Variants in SLC30A7 observed in about 807,000 individuals in gnomAD.
The protein encoded by SLC30A7 is zinc transporter 7.
A neutral mutation model predicts 46.0 loss-of-function variants in SLC30A7; 35 were observed. The ratio of observed to expected loss-of-function variants is 0.76; its 90% CI spans 0.58 to 1.01. The LOEUF is 1.01. SLC30A7 is among the 50% of genes least tolerant of loss of function. The probability of loss-of-function intolerance (pLI) is 0.00; values close to 1 mark genes in which losing one functional copy is unlikely to be tolerated. For synonymous variants in SLC30A7, 147 were observed against 157.8 expected, an observed-to-expected ratio of 0.93 and a Z score of 0.51; for missense variants, 464 against 451.1, an observed-to-expected ratio of 1.03 and a Z score of -0.26.
intron 8 of SLC30A7, among the ~76,000 whole-genome samples, chr1:100,950,945 ATTAAG>A (rs1237186436): frequency 6.6e-6 from 1 of 152,190 alleles, no homozygotes; most frequent in African/African-American, 2.4e-5. Context: ...TTCAGTGTCA[ATTAAG>A]TTACCACTAT....
intron 5 of SLC30A7, among the ~76,000 whole-genome samples, chr1:100,913,135 T>C (rs554687142): frequency 1.3e-5 from 2 of 152,370 alleles, no homozygotes; most frequent in East Asian, 3.8e-4. Context: ...TTCTTTTGCA[T>C]TTAGCTTTTT....
chr1:100,896,337 G>C lies in SLC30A7; in HGVS notation c.75G>C (p.Trp25Cys). Residue 25 changes from tryptophan (W) to cysteine (C), a missense_variant, in exon 1 of 11, where the codon TGG (tryptophan) becomes TGC (cysteine). Trp to Cys is a radical substitution (Grantham distance 215). Transcript: ENST00000357650. ...ATTTGTTCGGCAAGATCTCGGGCTG[G>C]TTTAGGTGCGGGGTGCTGTGTTTGC... ...KFNLFGKISGWFRSILSDKTS... is the reference protein window; with the variant it reads ...KFNLFGKISGCFRSILSDKTS... The C allele has an allele frequency of 1.2e-6, 2 of 1,614,180 alleles. No individual in the cohort carries two copies. The highest frequency in any genetic ancestry group is 1.7e-6 in the Non-Finnish European group (2 of 1,180,020).
At chr1:100,949,553 A>T (rs191374005) in intron 8 of SLC30A7, among the ~76,000 whole-genome samples, 1 of 152,362 alleles carries the variant, frequency 6.6e-6, no homozygotes, top group Non-Finnish European at 1.5e-5. Flanking sequence ...CAGAGCTATC[A>T]GACAGGGACG....
intron 4 of SLC30A7, 38 bp downstream of exon 4, chr1:100,911,188 T>G (rs1652070231): frequency 1.4e-5 from 19 of 1,349,602 alleles, no homozygotes; most frequent in Non-Finnish European, 2.0e-5. Flanking sequence ...AAATTACATT[T>G]CTGTAATGAA....
the SLC30A7 span, among the ~76,000 whole-genome samples, chr1:100,993,043 A>G: frequency 7.8e-6 from 1 of 128,854 alleles, no homozygotes; most frequent in Non-Finnish European, 1.9e-5. Flanking sequence ...AAACAATTCA[A>G]AGTAAGTGGC....
At chr1:100,994,702 T>C in the SLC30A7 span, among the ~76,000 whole-genome samples, 1 of 152,166 alleles carries the variant, frequency 6.6e-6, no homozygotes, top group Non-Finnish European at 1.5e-5. Context: ...AATTTTTCCA[T>C]TTTTAGTAGA....
chr1:100,980,163 C>T lies in SLC30A7; in HGVS notation c.*5306C>T, dbSNP rs1039962670. ...TAAGGGACTGAATGAAAAGATAGTA[C>T]CCTTTGTGGCTGTATGAAGAGAGAA... On this transcript the variant is annotated 3_prime_UTR_variant, in exon 11 of 11. Transcript: ENST00000357650. 1 of 152,040 alleles carries T rather than the reference C, an allele frequency of 6.6e-6. No homozygotes were observed. The highest frequency in any genetic ancestry group is 1.5e-5 in the Non-Finnish European group (1 of 67,962). The allele number at this position is 152,040 out of a possible 1,614,324, so 9.4% of individuals were successfully genotyped here. A position where few individuals can be genotyped will look rare whatever the true frequency, so the allele number is the denominator to read the frequency against.
At chr1:100,992,648 C>A in the SLC30A7 span, 1 of 1,613,656 alleles carries the variant, frequency 6.2e-7, no homozygotes. Flanking sequence ...TGGTTCTTCT[C>A]CTCGTATTCT....
intron 8 of SLC30A7, among the ~76,000 whole-genome samples, chr1:100,935,962 T>G (rs907107140): frequency 6.6e-6 from 1 of 152,094 alleles, no homozygotes; most frequent in African/African-American, 2.4e-5. Context: ...TTGCCCTTAA[T>G]AGGAATTACA....
intron 6 of SLC30A7, among the ~76,000 whole-genome samples, chr1:100,915,811 C>T (rs1006353867): frequency 2.6e-5 from 4 of 152,118 alleles, no homozygotes; most frequent in Admixed American, 1.3e-4. Context: ...GCTGATCATA[C>T]GGTAGTTCCA....
chr1:100,961,974 T>C, intron 9 of SLC30A7, 56 bp downstream of exon 9: 1 of 1,095,882 alleles, frequency 9.1e-7, no homozygotes. Flanking sequence ...ATCTCTTGAT[T>C]TTCAGCTTTC....
chr1:100,974,335 A>G lies in SLC30A7; in HGVS notation c.1084-475A>G, dbSNP rs572005858. On this transcript the variant is annotated intron_variant, in intron 10 of 10. Coordinates refer to ENST00000357650, the MANE Select transcript of SLC30A7 (RefSeq NM_133496.5). ...TGATAATACAGAAGATATTGGGGAG[A>G]ATTTAGAGAGCAGTATCCTTGAGTA... Among the ~76,000 whole-genome samples, 3 of 152,264 alleles carry G rather than the reference A, an allele frequency of 2.0e-5. No individual in the cohort carries two copies. The South Asian group carries it at 6.2e-4, about 32-fold the overall frequency.
intron 8 of SLC30A7, among the ~76,000 whole-genome samples, chr1:100,952,459 G>T (rs897993822): frequency 3.9e-5 from 6 of 152,122 alleles, no homozygotes; most frequent in African/African-American, 1.4e-4. Flanking sequence ...ATTCTTGCCT[G>T]CCTTTCTTAA....
intron 8 of SLC30A7, among the ~76,000 whole-genome samples, chr1:100,945,202 G>A (rs1188737): frequency 6.6e-6 from 1 of 152,058 alleles, no homozygotes; most frequent in Non-Finnish European, 1.5e-5. Flanking sequence ...TGTCAGATGG[G>A]TAGATTGCAA....
chr1:100,993,987 C>T, the SLC30A7 span, among the ~76,000 whole-genome samples: 2 of 152,028 alleles, frequency 1.3e-5, no homozygotes, highest in Non-Finnish European at 2.9e-5. Flanking sequence ...CGTGATCCAC[C>T]TGCCTCGGCC....
At position 100,979,458 on chromosome 1, in the gene SLC30A7, A is replaced by G. The variant is rs998181729; in HGVS notation, c.*4601A>G. 3 of 146,222 alleles carry G rather than the reference A, an allele frequency of 2.1e-5. No homozygotes were observed. Among genetic ancestry groups the G allele is most frequent in the East Asian group, 2.0e-4 (1 of 5,080 alleles). 9.1% of individuals were successfully genotyped at this position (146,222 alleles called of 1,614,324 possible). On this transcript the variant is annotated 3_prime_UTR_variant, in exon 11 of 11. Transcript: ENST00000357650. ...ATCCAAAAAAAAAAAAAAAAAAAAA[A>G]GAAAAGGAGCAGGGAAGGACAGTTC... is the stretch of plus-strand genomic sequence containing the variant.
chr1:100,909,150 C>T (rs1651913529), intron 3 of SLC30A7, among the ~76,000 whole-genome samples: 1 of 151,790 alleles, frequency 6.6e-6, no homozygotes, highest in African/African-American at 2.4e-5. Flanking sequence ...TAATAAGTAG[C>T]TTCATTTGTA....
chr1:100,978,684 A>T lies in SLC30A7; in HGVS notation c.*3827A>T, dbSNP rs1656718948. ...TGCCTTTCTGTAAATGGGATTAAAT[A>T]TGATTTGTAAATAAAGGACATCTGA... On this transcript the variant is annotated 3_prime_UTR_variant, in exon 11 of 11. Coordinates refer to ENST00000357650, the MANE Select transcript of SLC30A7 (RefSeq NM_133496.5). 1 of 152,188 alleles carries T rather than the reference A, an allele frequency of 6.6e-6. No individual in the cohort carries two copies. Among genetic ancestry groups the T allele is most frequent in the Non-Finnish European group, 1.5e-5 (1 of 68,038 alleles). 9.4% of individuals were successfully genotyped at this position (152,188 alleles called of 1,614,324 possible).
intron 8 of SLC30A7, among the ~76,000 whole-genome samples, chr1:100,950,508 A>G (rs1453198813): frequency 6.6e-6 from 1 of 152,218 alleles, no homozygotes; most frequent in Non-Finnish European, 1.5e-5. Context: ...TGGTCATGTC[A>G]TTTGACTGTA....
Sources: allele counts gnomAD v4.1 joint callset (sites outside exome capture counted in the v4.1 genomes callset), GRCh38; gene constraint gnomAD v4.1.1; transcripts MANE v1.5; gene names NCBI Gene and HGNC (gene_info 2026-07-23, HGNC 2026-07-21).